FRMD4A: variants seen among roughly 807,000 people sequenced by gnomAD.
FRMD4A encodes FERM domain containing 4A.
A neutral mutation model predicts 129.1 loss-of-function variants in FRMD4A; 29 were observed. The observed-to-expected ratio is 0.22, with a 90% CI of 0.17 to 0.31. The LOEUF is 0.31. FRMD4A is among the 10% of genes least tolerant of loss of function. FRMD4A has a pLI of 1.00. For missense variants in FRMD4A, 1,272 were observed against 1,375.8 expected, an observed-to-expected ratio of 0.92 and a Z score of 1.19; for synonymous variants, 634 against 571.6, an observed-to-expected ratio of 1.11 and a Z score of -1.56.
In FRMD4A at chr10:14,048,862, GAATAGA is replaced by G. The variant is rs1565211025; in HGVS notation, c.46-189956_46-189951del. Among the ~76,000 whole-genome samples, 196 of 146,114 alleles carry G rather than the reference GAATAGA, an allele frequency of 1.3e-3. 1 individual carries two copies. Among genetic ancestry groups the G allele is most frequent in the Admixed American group, 2.0e-3 (30 of 14,768 alleles). On this transcript the variant is annotated intron_variant, in intron 2 of 24. Transcript: ENST00000357447. ...GAATAGAATAGAATAGAATAGAATA[GAATAGA>G]ATAGAATAGAATAGAATAGAATAGA... is the stretch of plus-strand genomic sequence containing the variant.
At chr10:13,758,407 G>A (rs1284285840) in intron 8 of FRMD4A, among the ~76,000 whole-genome samples, 1 of 152,164 alleles carries the variant, frequency 6.6e-6, no homozygotes, top group Non-Finnish European at 1.5e-5. Context: ...TGTGGTTCAG[G>A]AAAACATATC....
intron 12 of FRMD4A, among the ~76,000 whole-genome samples, chr10:13,715,000 CT>C (rs2088639925): frequency 6.6e-6 from 1 of 152,024 alleles, no homozygotes; most frequent in African/African-American, 2.4e-5. Flanking sequence ...GATCATGCCA[CT>C]GCACTCCAGC....
chr10:14,101,447 A>T (rs925875843), intron 2 of FRMD4A, among the ~76,000 whole-genome samples: 1 of 152,194 alleles, frequency 6.6e-6, no homozygotes, highest in Non-Finnish European at 1.5e-5. Flanking sequence ...GATACTCACC[A>T]TTGGCTGAAA....
At chr10:14,118,066 C>G (rs201565387) in intron 2 of FRMD4A, among the ~76,000 whole-genome samples, 1 of 152,124 alleles carries the variant, frequency 6.6e-6, no homozygotes, top group African/African-American at 2.4e-5. Flanking sequence ...AAGCAGTCAG[C>G]GCAGACCCTG....
chr10:14,018,249 C>T (rs2095705289), intron 2 of FRMD4A, among the ~76,000 whole-genome samples: 1 of 150,560 alleles, frequency 6.6e-6, no homozygotes, highest in Non-Finnish European at 1.5e-5. Context: ...GATCATAGAC[C>T]ATCCTGGCTA....
At chr10:13,849,141 G>A (rs1396834696) in intron 3 of FRMD4A, among the ~76,000 whole-genome samples, 3 of 152,234 alleles carry the variant, frequency 2.0e-5, no homozygotes, top group Admixed American at 6.5e-5. Flanking sequence ...AAGTGGGGCT[G>A]CCTGAACCCC....
chr10:14,109,003 T>C (rs61692442), intron 2 of FRMD4A, among the ~76,000 whole-genome samples: 5,427 of 152,222 alleles, frequency 0.036, 340 homozygotes, highest in African/African-American at 0.13. Flanking sequence ...TTGTACTTTC[T>C]TGATAACATT....
intron 2 of FRMD4A, among the ~76,000 whole-genome samples, chr10:14,268,608 T>C (rs1845058041): frequency 6.6e-6 from 1 of 152,220 alleles, no homozygotes; most frequent in African/African-American, 2.4e-5. Context: ...AACAAACTAG[T>C]GAAGATTAAC....
At chr10:13,664,913 G>C (rs190791897) in intron 18 of FRMD4A, among the ~76,000 whole-genome samples, 1 of 151,768 alleles carries the variant, frequency 6.6e-6, no homozygotes, top group Non-Finnish European at 1.5e-5. Flanking sequence ...ATAGAGTTTC[G>C]CTCTTGTTGC....
At chr10:13,980,202 T>C (rs547886717) in intron 2 of FRMD4A, among the ~76,000 whole-genome samples, 1 of 152,314 alleles carries the variant, frequency 6.6e-6, no homozygotes, top group African/African-American at 2.4e-5. Flanking sequence ...GAGGTGTAAA[T>C]GGTATCTGGC....
chr10:14,013,590 T>C (rs1032267428), intron 2 of FRMD4A, among the ~76,000 whole-genome samples: 72 of 152,266 alleles, frequency 4.7e-4, no homozygotes, highest in African/African-American at 1.7e-3. Context: ...CAAGGCACCC[T>C]GCAAGGACAA....
intron 2 of FRMD4A, among the ~76,000 whole-genome samples, chr10:14,150,829 A>G (rs1840303875): frequency 6.6e-6 from 1 of 152,196 alleles, no homozygotes; most frequent in Non-Finnish European, 1.5e-5. Context: ...CTAATGAAAC[A>G]AGGTGAAAAC....
chr10:14,228,694 C>T (rs1191087149), intron 2 of FRMD4A, among the ~76,000 whole-genome samples: 2 of 151,982 alleles, frequency 1.3e-5, no homozygotes, highest in Non-Finnish European at 2.9e-5. Context: ...ATTCACGCAT[C>T]TGGAGTAATT....
At chr10:13,846,707 C>T (rs1321216800) in intron 3 of FRMD4A, among the ~76,000 whole-genome samples, 1 of 152,198 alleles carries the variant, frequency 6.6e-6, no homozygotes, top group Non-Finnish European at 1.5e-5. Flanking sequence ...CTCCTCACCT[C>T]TCTGATACAC....
At chr10:13,703,681 A>G (rs2087099783) in intron 13 of FRMD4A, among the ~76,000 whole-genome samples, 1 of 152,230 alleles carries the variant, frequency 6.6e-6, no homozygotes, top group East Asian at 1.9e-4. Context: ...CAATAGGATG[A>G]CACATTCAAC....
chr10:14,327,749 C>T (rs141190593), intron 2 of FRMD4A, among the ~76,000 whole-genome samples: 1 of 152,236 alleles, frequency 6.6e-6, no homozygotes, highest in African/African-American at 2.4e-5. Context: ...CTGCAATCCA[C>T]CAACCTGGTA....
chr10:14,152,899 C>CAGGCAT (rs1240928621), intron 2 of FRMD4A, among the ~76,000 whole-genome samples: 2 of 152,092 alleles, frequency 1.3e-5, no homozygotes. Flanking sequence ...AGGGGGAACC[C>CAGGCAT]AGGCATCCTA....
At chr10:13,761,626 A>G (rs1213707830) in intron 8 of FRMD4A, 21 bp downstream of exon 8, 6 of 1,584,430 alleles carry the variant, frequency 3.8e-6, no homozygotes, top group Non-Finnish European at 5.2e-6. Context: ...AAACAACACA[A>G]CAACAAAATT....
At chr10:13,801,311 C>G (rs1744471260) in intron 4 of FRMD4A, among the ~76,000 whole-genome samples, 1 of 152,172 alleles carries the variant, frequency 6.6e-6, no homozygotes, top group South Asian at 2.1e-4. Context: ...AACATGGAAG[C>G]TGGAATGACA....
Sources: gnomAD v4.1 joint callset for allele counts (sites outside exome capture counted in the v4.1 genomes callset) on GRCh38, gnomAD v4.1.1 for gene constraint, MANE v1.5 for transcripts, NCBI Gene and HGNC (gene_info 2026-07-23, HGNC 2026-07-21) for gene names.